MLLT10: variants seen among roughly 807,000 people sequenced by gnomAD.
The protein encoded by MLLT10 is MLLT10 histone lysine methyltransferase DOT1L cofactor, also known as protein AF-10.
MLLT10 carries 30 observed loss-of-function variants against 129.1 expected under a neutral mutation model. The ratio of observed to expected loss-of-function variants is 0.23; its 90% CI spans 0.17 to 0.32. The LOEUF is 0.32. Ranked by LOEUF, MLLT10 falls within the 10% of genes least tolerant of loss-of-function variation. The pLI, the probability that MLLT10 is intolerant of heterozygous loss-of-function variation, is 1.00. For missense variants in MLLT10, 1,119 were observed against 1,268.3 expected, an observed-to-expected ratio of 0.88 and a Z score of 1.79; for synonymous variants, 490 against 446.4, an observed-to-expected ratio of 1.10 and a Z score of -1.23.
At chr10:21,688,426 C>G (rs2053513249) in intron 13 of MLLT10, 2 of 1,352,808 alleles carry the variant, frequency 1.5e-6, no homozygotes, top group African/African-American at 2.9e-5. Context: ...TTCAACTTGT[C>G]TGTCATGGTG....
At chr10:21,735,694 T>TG (rs1280204870) in intron 21 of MLLT10, among the ~76,000 whole-genome samples, 2 of 152,106 alleles carry the variant, frequency 1.3e-5, no homozygotes, top group Non-Finnish European at 2.9e-5. Context: ...AGTGTGCCTT[T>TG]GTGACTTGAG....
At position 21,673,486 on chromosome 10, in the gene MLLT10, C is replaced by T. The variant is rs1462838758; in HGVS notation, c.1188C>T (p.Thr396=). 6.2e-7 allele frequency: 1 copy of T among 1,613,832 alleles called. No homozygotes were observed. The highest frequency in any genetic ancestry group is 1.7e-5 in the Admixed American group (1 of 59,970). ...CTCACTCCCAACAGTCATCAGCAAC[C>T]AAAGATGTACATAAAGGAGAGTCTG... The part of the protein sequence containing the change: ...SYSHSQQSSA[T]KDVHKGESGS... Residue 396 remains threonine, a synonymous_variant, in exon 11 of 23, where the codon ACC becomes ACT. Coordinates refer to ENST00000307729, the MANE Select transcript of MLLT10 (RefSeq NM_001195626.3).
intron 3 of MLLT10, among the ~76,000 whole-genome samples, chr10:21,574,198 G>GA (rs2040499332): frequency 6.6e-6 from 1 of 152,100 alleles, no homozygotes; most frequent in African/African-American, 2.4e-5. Context: ...GTTTTGATAA[G>GA]TTTCATTTTC....
chr10:21,634,629 G>A (rs952529734), intron 8 of MLLT10, among the ~76,000 whole-genome samples: 2 of 152,132 alleles, frequency 1.3e-5, no homozygotes, highest in Non-Finnish European at 2.9e-5. Context: ...TGTAACTTTG[G>A]TGGTAATAAT....
chr10:21,645,042 G>A (rs904599763), intron 8 of MLLT10, among the ~76,000 whole-genome samples: 1 of 152,128 alleles, frequency 6.6e-6, no homozygotes, highest in African/African-American at 2.4e-5. Context: ...CCTGAAGCTA[G>A]TACTACTCTT....
intron 11 of MLLT10, among the ~76,000 whole-genome samples, chr10:21,674,317 T>C (rs2131382345): frequency 6.6e-6 from 1 of 152,272 alleles, no homozygotes; most frequent in East Asian, 1.9e-4. Flanking sequence ...TTGAGCTCCC[T>C]TTCTCTAAAC....
At chr10:21,533,782 C>G (rs118163926), upstream of MLLT10, among the ~76,000 whole-genome samples, 301 of 152,358 alleles carry the variant, frequency 2.0e-3, 1 homozygote, top group Non-Finnish European at 3.5e-3. Flanking sequence ...TTCATGGAAG[C>G]TGGCACACTC....
intron 13 of MLLT10, among the ~76,000 whole-genome samples, chr10:21,684,552 G>T (rs1200942253): frequency 6.6e-6 from 1 of 151,518 alleles, no homozygotes; most frequent in East Asian, 1.9e-4. Context: ...TTTTTCTTTT[G>T]TATTTCCACT....
intron 9 of MLLT10, among the ~76,000 whole-genome samples, chr10:21,663,466 T>G (rs1268410937): frequency 2.6e-5 from 4 of 151,504 alleles, no homozygotes; most frequent in Admixed American, 1.3e-4. Context: ...AACTTCTGCT[T>G]CCCGGGTTCA....
intron 5 of MLLT10, among the ~76,000 whole-genome samples, chr10:21,603,819 G>GTT (rs1471443416): frequency 4.4e-5 from 6 of 137,298 alleles, no homozygotes; most frequent in Admixed American, 7.2e-5. Flanking sequence ...GACAGTTTTT[G>GTT]TTTTTTTGTT....
In MLLT10 at chr10:21,705,530, C is replaced by T. The variant is rs75186588; in HGVS notation, c.1700-8242C>T. Among the ~76,000 whole-genome samples the T allele has an allele frequency of 3.9e-3, 595 of 152,238 alleles. 3 individuals carry two copies. Among genetic ancestry groups the T allele is most frequent in the African/African-American group, 0.014 (564 of 41,536 alleles). The stretch of plus-strand genomic sequence containing the variant: ...GTAGCCGGGGCAGCATTGGTCACAC[C>T]GTTGCCCTGTCACTGGAGAGCCCAG... On this transcript the variant is annotated intron_variant, in intron 13 of 22. Coordinates refer to ENST00000307729, the MANE Select transcript of MLLT10 (RefSeq NM_001195626.3).
chr10:21,660,416 G>T (rs2050060109), intron 9 of MLLT10, among the ~76,000 whole-genome samples: 1 of 151,602 alleles, frequency 6.6e-6, no homozygotes, highest in Admixed American at 6.6e-5. Context: ...AGGGGTTCCA[G>T]ACCAGCCTGG....
chr10:21,621,591 G>A (rs2045862547), intron 8 of MLLT10, among the ~76,000 whole-genome samples: 1 of 152,000 alleles, frequency 6.6e-6, no homozygotes, highest in African/African-American at 2.4e-5. Flanking sequence ...TGCCTGTTGT[G>A]TTGAACCGAC....
chr10:21,570,044 G>A (rs1400464725), intron 3 of MLLT10, among the ~76,000 whole-genome samples: 1 of 152,040 alleles, frequency 6.6e-6, no homozygotes, highest in Non-Finnish European at 1.5e-5. Flanking sequence ...TGAGTAGCTG[G>A]GATTACAGGC....
rs1298984649 is a variant in MLLT10, at chr10:21,735,244, T to C, written c.2955+9T>C. 1.3e-6 allele frequency: 2 copies of C among 1,585,080 alleles called. No homozygotes were observed. The highest frequency in any genetic ancestry group is 1.7e-5 in the Admixed American group (1 of 59,718). ...CTCAACAGCTCACACCAGTAAGTTC[T>C]TTCTTTTGATAATATCTTATTAGGA... On this transcript the variant is annotated intron_variant, in intron 21 of 22. Coordinates refer to ENST00000307729, the MANE Select transcript of MLLT10 (RefSeq NM_001195626.3).
At chr10:21,571,684 T>C (rs2040220731) in intron 3 of MLLT10, among the ~76,000 whole-genome samples, 1 of 152,250 alleles carries the variant, frequency 6.6e-6, no homozygotes, top group Non-Finnish European at 1.5e-5. Flanking sequence ...ATTTACTTTT[T>C]CATGATAACT....
intron 22 of MLLT10, among the ~76,000 whole-genome samples, chr10:21,741,281 C>A (rs1299434051): frequency 6.7e-6 from 1 of 148,712 alleles, no homozygotes; most frequent in Non-Finnish European, 1.5e-5. Context: ...TTTTCCCCCC[C>A]AGTGTTTCAC....
In MLLT10 at chr10:21,733,053, G is replaced by A. The variant is rs150645153; in HGVS notation, c.2373G>A (p.Pro791=). Residue 791 remains proline (P), a synonymous_variant, in exon 18 of 23, where the codon CCG becomes CCA. Coordinates refer to ENST00000307729, the MANE Select transcript of MLLT10 (RefSeq NM_001195626.3). ...PFPTITANPS[P]SHQIHTFSAQ... ...CAACAATAACAGCAAATCCTAGTCC[G>A]TCTCATCAAATACACACATTTTCAG... 3.1e-5 allele frequency: 50 copies of A among 1,612,480 alleles called. No individual in the cohort carries two copies. The Middle Eastern group carries it at 6.6e-4, about 21-fold the overall frequency.
chr10:21,713,127 C>T (rs1015554161), intron 13 of MLLT10, among the ~76,000 whole-genome samples: 2 of 152,170 alleles, frequency 1.3e-5, no homozygotes, highest in African/African-American at 2.4e-5. Flanking sequence ...CCCAGTTCAT[C>T]ATGTCTTAAT....
Sources: gnomAD v4.1 joint callset for allele counts (sites outside exome capture counted in the v4.1 genomes callset) on GRCh38, gnomAD v4.1.1 for gene constraint, MANE v1.5 for transcripts, NCBI Gene and HGNC (gene_info 2026-07-23, HGNC 2026-07-21) for gene names.